CSRNP3: variants seen among roughly 807,000 people sequenced by gnomAD.
The protein encoded by CSRNP3 is cysteine and serine rich nuclear protein 3.
CSRNP3 carries 12 observed loss-of-function variants against 48.0 expected under a neutral mutation model. That is an observed-to-expected ratio of 0.25 (90% CI 0.16 to 0.41). CSRNP3 has a LOEUF of 0.41. Ranked by LOEUF, CSRNP3 falls within the 10% of genes least tolerant of loss-of-function variation. The pLI, the probability that CSRNP3 is intolerant of heterozygous loss-of-function variation, is 1.00. For missense variants in CSRNP3, 580 were observed against 724.4 expected (o/e 0.80, Z 2.29); for synonymous variants, 263 against 269.7 (o/e 0.98, Z 0.24).
intron 4 of CSRNP3, among the ~76,000 whole-genome samples, chr2:165,636,052 A>G (rs1686621920): frequency 6.6e-6 from 1 of 152,154 alleles, no homozygotes. Flanking sequence ...AGGGTAAAGA[A>G]ACTTGTTTAT....
At chr2:165,659,086 G>C (rs35767144) in intron 5 of CSRNP3, among the ~76,000 whole-genome samples, 8,537 of 152,288 alleles carry the variant, frequency 0.056, 294 homozygotes, top group Non-Finnish European at 0.071. Flanking sequence ...AAGTCGTCAA[G>C]AGTTTTAAGC....
intron 2 of CSRNP3, among the ~76,000 whole-genome samples, chr2:165,503,983 C>G: frequency 6.6e-6 from 1 of 151,802 alleles, no homozygotes; most frequent in East Asian, 1.9e-4. Flanking sequence ...TAGTACATAG[C>G]AAGGTAATCC....
intron 4 of CSRNP3, among the ~76,000 whole-genome samples, chr2:165,601,154 T>C (rs769605997): frequency 2.6e-5 from 4 of 152,254 alleles, no homozygotes; most frequent in Non-Finnish European, 4.4e-5. Flanking sequence ...TCTGTATTGC[T>C]GTGAAACGCT....
chr2:165,598,655 T>A (rs1685850462), intron 4 of CSRNP3, among the ~76,000 whole-genome samples: 1 of 152,176 alleles, frequency 6.6e-6, no homozygotes, highest in African/African-American at 2.4e-5. Flanking sequence ...AAAGTAGACT[T>A]ATTTTACGAT....
At chr2:165,603,290 A>G (rs962741541) in intron 4 of CSRNP3, among the ~76,000 whole-genome samples, 3 of 152,156 alleles carry the variant, frequency 2.0e-5, no homozygotes, top group Non-Finnish European at 4.4e-5. Flanking sequence ...GAGTGATGTC[A>G]GTTAACTGTG....
intron 4 of CSRNP3, among the ~76,000 whole-genome samples, chr2:165,651,907 C>T (rs1010553780): frequency 2.0e-5 from 3 of 152,094 alleles, no homozygotes; most frequent in Non-Finnish European, 2.9e-5. Flanking sequence ...CCGCCTGCCT[C>T]GGCCTCTCAA....
chr2:165,485,791 A>G (rs945200020), intron 1 of CSRNP3, among the ~76,000 whole-genome samples: 4 of 152,352 alleles, frequency 2.6e-5, no homozygotes, highest in Middle Eastern at 3.4e-3. Flanking sequence ...ATTTCTTTAG[A>G]GTGATAAAAG....
At chr2:165,613,334 A>G (rs568548520) in intron 4 of CSRNP3, among the ~76,000 whole-genome samples, 2 of 152,224 alleles carry the variant, frequency 1.3e-5, no homozygotes, top group East Asian at 3.9e-4. Context: ...TGTCAGATGA[A>G]TAGTTTGAAA....
chr2:165,573,932 T>G (rs992139118), intron 3 of CSRNP3, among the ~76,000 whole-genome samples: 8 of 152,188 alleles, frequency 5.3e-5, no homozygotes, highest in Admixed American at 1.3e-4. Flanking sequence ...AGCATTTGAC[T>G]ATTTGGGTTT....
rs553069595 is a variant in CSRNP3 at position 165,666,598 on chromosome 2, G to C, written c.408+8578G>C. On this transcript the variant is annotated intron_variant, in intron 5 of 6. Coordinates refer to ENST00000651982, the MANE Select transcript of CSRNP3 (RefSeq NM_001172173.2). The stretch of plus-strand genomic sequence containing the variant: ...GAGAGGAAGGAAGGAAGGGAGGATA[G>C]AGAGAGATGAAGAAAGAGAGAAAGG... Among the ~76,000 whole-genome samples, 53 of 41,290 alleles carry C rather than the reference G, an allele frequency of 1.3e-3. 13 individuals carry two copies. The highest frequency in any genetic ancestry group is 3.8e-3 in the African/African-American group (48 of 12,556). 27.1% of individuals were successfully genotyped at this position (41,290 alleles called of 152,430 possible).
At chr2:165,493,457 T>C (rs1016310676) in intron 1 of CSRNP3, among the ~76,000 whole-genome samples, 1 of 152,094 alleles carries the variant, frequency 6.6e-6, no homozygotes, top group African/African-American at 2.4e-5. Flanking sequence ...CCTTCCAAGT[T>C]ATCTATCCAA....
chr2:165,566,654 T>A (rs953544756), intron 3 of CSRNP3: 1 of 152,020 alleles, frequency 6.6e-6, no homozygotes, highest in Admixed American at 6.6e-5. Flanking sequence ...AACTAATTTT[T>A]AAATTTTTTT....
intron 5 of CSRNP3, among the ~76,000 whole-genome samples, chr2:165,668,568 GT>G (rs964723602): frequency 5.7e-4 from 86 of 151,780 alleles, no homozygotes; most frequent in African/African-American, 2.0e-3. Flanking sequence ...ATCCTGGCTA[GT>G]TTTTGTATTT....
At chr2:165,616,357 C>T (rs1432694866) in intron 4 of CSRNP3, among the ~76,000 whole-genome samples, 1 of 152,044 alleles carries the variant, frequency 6.6e-6, no homozygotes, top group African/African-American at 2.4e-5. Flanking sequence ...ATCTGCTGTA[C>T]CAGTACATTT....
At chr2:165,509,117 C>T (rs532948114) in intron 2 of CSRNP3, among the ~76,000 whole-genome samples, 1 of 152,186 alleles carries the variant, frequency 6.6e-6, no homozygotes, top group African/African-American at 2.4e-5. Flanking sequence ...CAAGAGAAAG[C>T]CCCTCCCCTC....
In CSRNP3 at chr2:165,686,182, A is replaced by G. The variant is rs935330722; in HGVS notation, c.*6429A>G. On this transcript the variant is annotated 3_prime_UTR_variant, in exon 7 of 7. Coordinates refer to ENST00000651982, the MANE Select transcript of CSRNP3 (RefSeq NM_001172173.2). ...ATTTGGAAGAAAATTGACCTAGAAA[A>G]TGTCTCTTTTAAATTTATCTAGGTA... 1.3e-5 allele frequency: 2 copies of G among 152,006 alleles called. No homozygotes were observed. The highest frequency in any genetic ancestry group is 2.9e-5 in the Non-Finnish European group (2 of 67,970). The allele number at this position is 152,006 out of a possible 1,614,324, so 9.4% of individuals were successfully genotyped here.
intron 1 of CSRNP3, among the ~76,000 whole-genome samples, chr2:165,485,979 T>C (rs1392001747): frequency 2.0e-5 from 3 of 152,096 alleles, no homozygotes; most frequent in Non-Finnish European, 2.9e-5. Flanking sequence ...GGTCTACAGC[T>C]CCCAGCGTGA....
chr2:165,599,932 CTTT>C (rs10706848), intron 4 of CSRNP3, among the ~76,000 whole-genome samples: 1 of 147,114 alleles, frequency 6.8e-6, no homozygotes, highest in African/African-American at 2.5e-5. Context: ...CATTGGGATT[CTTT>C]TTTTTTTTTT....
chr2:165,641,464 A>G (rs539970508), intron 4 of CSRNP3, among the ~76,000 whole-genome samples: 11 of 152,196 alleles, frequency 7.2e-5, no homozygotes, highest in African/African-American at 2.4e-4. Flanking sequence ...CACATACTCA[A>G]AAAATGTCCT....
Sources: allele counts gnomAD v4.1 joint callset (sites outside exome capture counted in the v4.1 genomes callset), GRCh38; gene constraint gnomAD v4.1.1; transcripts MANE v1.5; gene names NCBI Gene and HGNC (gene_info 2026-07-23, HGNC 2026-07-21).